The following C1GALT1 variants were observed in gnomAD, a reference collection of about 807,000 sequenced individuals.
C1GALT1 encodes the protein core 1 synthase, glycoprotein-N-acetylgalactosamine 3-beta-galactosyltransferase 1, also known as glycoprotein-N-acetylgalactosamine 3-beta-galactosyltransferase 1.
C1GALT1 carries 11 observed loss-of-function variants against 31.0 expected under a neutral mutation model. The ratio of observed to expected loss-of-function variants is 0.36; its 90% CI spans 0.22 to 0.59. The LOEUF (loss-of-function observed/expected upper bound fraction) is 0.59. C1GALT1 is among the 20% of genes least tolerant of loss of function. The probability of loss-of-function intolerance (pLI) is 0.79; values close to 1 mark genes in which losing one functional copy is unlikely to be tolerated. For missense variants in C1GALT1, 424 were observed against 425.2 expected (o/e 1.00, Z 0.03); for synonymous variants, 175 against 143.6 (o/e 1.22, Z -1.56).
intron 2 of C1GALT1, among the ~76,000 whole-genome samples, chr7:7,176,628 T>G (rs888574389): frequency 6.6e-6 from 1 of 152,192 alleles, no homozygotes; most frequent in African/African-American, 2.4e-5. Context: ...ATGCTGTGAG[T>G]CACACTGAGT....
chr7:7,197,830 T>G (rs553782152), intron 1 of C1GALT1, among the ~76,000 whole-genome samples: 134 of 152,334 alleles, frequency 8.8e-4, no homozygotes, highest in Admixed American at 2.0e-3. Flanking sequence ...CACTCATGAT[T>G]TGGCTCTCTG....
chr7:7,193,114 A>G (rs113569393), intron 1 of C1GALT1, among the ~76,000 whole-genome samples: 5,008 of 151,810 alleles, frequency 0.033, 184 homozygotes, highest in African/African-American at 0.092. Flanking sequence ...TTGTCTGTTT[A>G]CTGATTATTT....
chr7:7,180,454 T>C (rs1303580944), upstream of C1GALT1, among the ~76,000 whole-genome samples: 2 of 152,242 alleles, frequency 1.3e-5, no homozygotes, highest in Non-Finnish European at 2.9e-5. Context: ...GTTGGATAAA[T>C]GATGGTATAT....
intron 1 of C1GALT1, among the ~76,000 whole-genome samples, chr7:7,195,994 T>G (rs543993315): frequency 6.6e-6 from 1 of 152,330 alleles, no homozygotes; most frequent in African/African-American, 2.4e-5. Flanking sequence ...CTACTTCTGC[T>G]AGCTTTCTGT....
intron 1 of C1GALT1, among the ~76,000 whole-genome samples, chr7:7,233,336 A>G (rs1420308448): frequency 1.3e-5 from 2 of 151,858 alleles, no homozygotes; most frequent in Non-Finnish European, 2.9e-5. Flanking sequence ...CAGTCTTGGC[A>G]CACTGCAACC....
intron 2 of C1GALT1, among the ~76,000 whole-genome samples, chr7:7,161,377 A>G (rs1780332233): frequency 6.6e-6 from 1 of 152,144 alleles, no homozygotes; most frequent in Non-Finnish European, 1.5e-5. Flanking sequence ...TTTAGTATAA[A>G]CATATTTACA....
chr7:7,226,285 G>A (rs1782755156), intron 1 of C1GALT1, among the ~76,000 whole-genome samples: 1 of 151,948 alleles, frequency 6.6e-6, no homozygotes, highest in Non-Finnish European at 1.5e-5. Flanking sequence ...CATAAATGCA[G>A]CAAATGAATG....
chr7:7,220,211 G>A (rs968354332), intron 1 of C1GALT1, among the ~76,000 whole-genome samples: 6 of 152,198 alleles, frequency 3.9e-5, no homozygotes, highest in African/African-American at 9.7e-5. Flanking sequence ...ACACAACTCT[G>A]TTAGCCAGCA....
At chr7:7,237,538 G>T (rs1783421338) in intron 2 of C1GALT1, among the ~76,000 whole-genome samples, 1 of 152,156 alleles carries the variant, frequency 6.6e-6, no homozygotes. Flanking sequence ...CAAACCTGTA[G>T]TTTAAAGAGC....
At chr7:7,213,682 C>T (rs1782108345) in intron 1 of C1GALT1, among the ~76,000 whole-genome samples, 1 of 152,048 alleles carries the variant, frequency 6.6e-6, no homozygotes, top group African/African-American at 2.4e-5. Flanking sequence ...CAAATTTTAC[C>T]CTTGCACTAG....
intron 1 of C1GALT1, among the ~76,000 whole-genome samples, chr7:7,217,680 T>C (rs1261522197): frequency 6.6e-6 from 1 of 152,240 alleles, no homozygotes; most frequent in Non-Finnish European, 1.5e-5. Context: ...TGTTTTTATG[T>C]ATTTCCTTAA....
chr7:7,186,637 A>G (rs1780828763), intron 1 of C1GALT1, among the ~76,000 whole-genome samples: 1 of 152,226 alleles, frequency 6.6e-6, no homozygotes, highest in African/African-American at 2.4e-5. Flanking sequence ...GGGTAAGCAT[A>G]GGGTGGCCAG....
At chr7:7,233,893 T>C (rs1783206040) in intron 1 of C1GALT1, among the ~76,000 whole-genome samples, 1 of 152,204 alleles carries the variant, frequency 6.6e-6, no homozygotes, top group African/African-American at 2.4e-5. Context: ...TCTAGTTCTT[T>C]ACAGAAAGGG....
At chr7:7,160,954 A>T (rs927413170) in intron 2 of C1GALT1, among the ~76,000 whole-genome samples, 1 of 152,116 alleles carries the variant, frequency 6.6e-6, no homozygotes, top group African/African-American at 2.4e-5. Context: ...AATGAGCCAT[A>T]ATTTACAATC....
At chr7:7,183,240 C>G (rs962750927) in intron 1 of C1GALT1, among the ~76,000 whole-genome samples, 1 of 152,082 alleles carries the variant, frequency 6.6e-6, no homozygotes, top group Non-Finnish European at 1.5e-5. Flanking sequence ...GCCCTCCCCG[C>G]CCCGCCGCAG....
chr7:7,161,952 A>G (rs1216298822), intron 2 of C1GALT1, among the ~76,000 whole-genome samples: 1 of 152,090 alleles, frequency 6.6e-6, no homozygotes, highest in East Asian at 1.9e-4. Flanking sequence ...CTCTCTCATT[A>G]AATGTGAACA....
intron 1 of C1GALT1, among the ~76,000 whole-genome samples, chr7:7,189,338 A>G (rs767279309): frequency 2.0e-5 from 3 of 152,176 alleles, no homozygotes; most frequent in Admixed American, 6.5e-5. Flanking sequence ...ATTTAAAAAG[A>G]TGTTGTGAAA....
chr7:7,195,595 G>T (rs185902708), intron 1 of C1GALT1, among the ~76,000 whole-genome samples: 30 of 152,142 alleles, frequency 2.0e-4, no homozygotes, highest in Admixed American at 1.8e-3. Flanking sequence ...GTCCTGTCGT[G>T]GTCTGTTTTG....
rs1783867620 is a variant in C1GALT1 at position 7,246,846 on chromosome 7, T to G, written c.*3119T>G. 1 of 152,186 alleles carries G rather than the reference T, an allele frequency of 6.6e-6. No homozygotes were observed. Among genetic ancestry groups the G allele is most frequent in the African/African-American group, 2.4e-5 (1 of 41,438 alleles). The allele number at this position is 152,186 out of a possible 1,614,324, so 9.4% of individuals were successfully genotyped here. A position where few individuals can be genotyped will look rare whatever the true frequency, so the allele number is the denominator to read the frequency against. On this transcript the variant is annotated 3_prime_UTR_variant, in exon 4 of 4. Coordinates refer to ENST00000436587, the MANE Select transcript of C1GALT1 (RefSeq NM_020156.5). ...AAGACATTTTTCAAAAAGCATGTTT[T>G]AAATCAGTGTAGTCCAGGATCACAC...
Sources: allele counts gnomAD v4.1 joint callset (sites outside exome capture counted in the v4.1 genomes callset), GRCh38; gene constraint gnomAD v4.1.1; transcripts MANE v1.5; gene names NCBI Gene and HGNC (gene_info 2026-07-23, HGNC 2026-07-21).